Variants in CSMD1 observed in about 807,000 individuals in gnomAD.
CSMD1 encodes the protein CUB and Sushi multiple domains 1.
In CSMD1, 213 loss-of-function variants were observed where a neutral mutation model predicts 417.5. That is an observed-to-expected ratio of 0.51 (90% CI 0.46 to 0.57). CSMD1 has a LOEUF of 0.57. Among genes scored for constraint, CSMD1 ranks in the 20% least tolerant of loss-of-function variants. CSMD1 has a pLI of 0.00. For synonymous variants in CSMD1, 2,862 were observed against 1,736.8 expected, an observed-to-expected ratio of 1.65 and a Z score of -16.11; for missense variants, 6,923 against 4,529.7, an observed-to-expected ratio of 1.53 and a Z score of -15.17.
At chr8:4,314,484 T>C (rs1363806750) in intron 3 of CSMD1, among the ~76,000 whole-genome samples, 1 of 152,182 alleles carries the variant, frequency 6.6e-6, no homozygotes, top group Non-Finnish European at 1.5e-5. Context: ...GTTCCTTGAA[T>C]ACCTTTCTAA....
intron 7 of CSMD1, among the ~76,000 whole-genome samples, chr8:3,686,310 CTG>C (rs1306498867): frequency 2.0e-5 from 3 of 152,148 alleles, no homozygotes; most frequent in African/African-American, 7.2e-5. Flanking sequence ...ACAGCTAACA[CTG>C]TGACTTTCAG....
chr8:3,825,109 A>T (rs1248706597), intron 5 of CSMD1, among the ~76,000 whole-genome samples: 1 of 152,138 alleles, frequency 6.6e-6, no homozygotes, highest in African/African-American at 2.4e-5. Context: ...GGCATTTTCG[A>T]GGAAAATGAT....
Position 3,453,180 on chromosome 8 carries a change from T to A in CSMD1, c.1561+15532A>T, listed in dbSNP as rs60177509. On this transcript the variant is annotated intron_variant, in intron 12 of 69. Coordinates refer to ENST00000635120, the MANE Select transcript of CSMD1 (RefSeq NM_033225.6). ...GTGGTGATATCCCCTTCATTTTTTA[T>A]TGCTTCTATTTGATTCTTTTCTCTT... Among the ~76,000 whole-genome samples, 993 of 152,318 alleles carry A rather than the reference T, an allele frequency of 6.5e-3. 16 individuals carry two copies. Among genetic ancestry groups the A allele is most frequent in the African/African-American group, 0.022 (909 of 41,578 alleles).
chr8:3,379,421 A>G (rs1017032147), intron 18 of CSMD1, among the ~76,000 whole-genome samples: 10 of 152,196 alleles, frequency 6.6e-5, no homozygotes, highest in African/African-American at 1.2e-4. Flanking sequence ...TGGAACCAAA[A>G]AAGAGCCCAT....
intron 1 of CSMD1, among the ~76,000 whole-genome samples, chr8:4,721,431 T>C (rs1369852952): frequency 6.6e-6 from 1 of 152,204 alleles, no homozygotes; most frequent in African/African-American, 2.4e-5. Flanking sequence ...AATCAGATTC[T>C]GAACAATTTG....
intron 27 of CSMD1, among the ~76,000 whole-genome samples, chr8:3,226,079 T>C (rs1194078564): frequency 1.3e-5 from 2 of 152,238 alleles, no homozygotes; most frequent in Admixed American, 6.5e-5. Flanking sequence ...GTTTCTGCAT[T>C]AAAACATTTG....
chr8:3,246,446 C>A (rs1799885434), intron 26 of CSMD1, among the ~76,000 whole-genome samples: 1 of 152,102 alleles, frequency 6.6e-6, no homozygotes, highest in South Asian at 2.1e-4. Flanking sequence ...TCTCTGTTCA[C>A]CCCCATTCTC....
At chr8:4,205,724 GC>G (rs1799941003) in intron 3 of CSMD1, among the ~76,000 whole-genome samples, 1 of 126,470 alleles carries the variant, frequency 7.9e-6, no homozygotes, top group Non-Finnish European at 1.7e-5. Flanking sequence ...GTTTATTTCA[GC>G]TCACTTCCTA....
intron 1 of CSMD1, among the ~76,000 whole-genome samples, chr8:4,819,543 T>G (rs771217704): frequency 5.3e-5 from 8 of 152,216 alleles, no homozygotes; most frequent in Admixed American, 2.0e-4. Context: ...TGTTAGAATC[T>G]CAAATTTTGA....
chr8:3,593,495 C>T (rs913822057), intron 8 of CSMD1, among the ~76,000 whole-genome samples: 1 of 152,196 alleles, frequency 6.6e-6, no homozygotes, highest in Non-Finnish European at 1.5e-5. Flanking sequence ...CCTGCTCTCA[C>T]TAAGGCCAAA....
chr8:3,815,057 G>C (rs1431257822), intron 5 of CSMD1, among the ~76,000 whole-genome samples: 14 of 152,096 alleles, frequency 9.2e-5, no homozygotes, highest in Admixed American at 9.2e-4. Flanking sequence ...AAGATGTTTG[G>C]GAAAAAGATT....
At chr8:3,282,758 TAAGAAATTGTGCAGACTATAAC>T (rs1802835515) in intron 26 of CSMD1, among the ~76,000 whole-genome samples, 22 of 152,264 alleles carry the variant, frequency 1.4e-4, no homozygotes, top group Middle Eastern at 3.4e-3. Flanking sequence ...TAACCAGAGG[TAAGAAATTGTGCAGACTATAAC>T]CTCAATTATA....
At chr8:4,156,812 G>A (rs183712128) in intron 3 of CSMD1, among the ~76,000 whole-genome samples, 14 of 152,196 alleles carry the variant, frequency 9.2e-5, no homozygotes, top group Admixed American at 1.3e-4. Flanking sequence ...TCCCAGCAGC[G>A]AGCAGCAAGT....
intron 23 of CSMD1, among the ~76,000 whole-genome samples, chr8:3,341,107 G>T (rs1039264053): frequency 1.3e-5 from 2 of 152,180 alleles, no homozygotes; most frequent in African/African-American, 4.8e-5. Flanking sequence ...AGTGATGCTG[G>T]ATGCCGGGGA....
At chr8:4,696,200 GAT>G (rs1381392730) in intron 1 of CSMD1, among the ~76,000 whole-genome samples, 1 of 152,122 alleles carries the variant, frequency 6.6e-6, no homozygotes, top group Non-Finnish European at 1.5e-5. Context: ...ATGCATATAG[GAT>G]ATGTTATTTT....
chr8:3,412,216 C>G (rs975286709), intron 12 of CSMD1, among the ~76,000 whole-genome samples: 1 of 149,448 alleles, frequency 6.7e-6, no homozygotes, highest in Non-Finnish European at 1.5e-5. Flanking sequence ...ACACACACCA[C>G]TGTTTCTTTA....
At chr8:3,652,326 C>T (rs2981365) in intron 7 of CSMD1, among the ~76,000 whole-genome samples, 141,746 of 151,738 alleles carry the variant, frequency 0.93, 66,272 homozygotes, top group African/African-American at 0.96. Context: ...TCGGAGTGCT[C>T]ACCACCATCA....
At chr8:4,904,757 C>T (rs1019460727) in intron 1 of CSMD1, among the ~76,000 whole-genome samples, 2 of 152,036 alleles carry the variant, frequency 1.3e-5, no homozygotes, top group Non-Finnish European at 2.9e-5. Flanking sequence ...ACAAAAACAC[C>T]TTTAATATGT....
At chr8:4,169,961 C>G (rs558929769) in intron 3 of CSMD1, among the ~76,000 whole-genome samples, 1 of 150,324 alleles carries the variant, frequency 6.7e-6, no homozygotes, top group South Asian at 2.1e-4. Flanking sequence ...GTGTGTTTTC[C>G]TCCATACTGT....
Sources: gnomAD v4.1 joint callset for allele counts (sites outside exome capture counted in the v4.1 genomes callset) on GRCh38, gnomAD v4.1.1 for gene constraint, MANE v1.5 for transcripts, NCBI Gene and HGNC (gene_info 2026-07-23, HGNC 2026-07-21) for gene names.